DOCK3: variants seen among roughly 807,000 people sequenced by gnomAD.
DOCK3 encodes dedicator of cytokinesis 3, also known as dedicator of cytokinesis protein 3.
DOCK3 carries 60 observed loss-of-function variants against 265.6 expected under a neutral mutation model. The observed-to-expected ratio is 0.23, with a 90% CI of 0.18 to 0.28. DOCK3 has a LOEUF of 0.28. DOCK3 is among the 10% of genes least tolerant of loss of function. DOCK3 has a pLI of 1.00. For synonymous variants in DOCK3, 881 were observed against 938.0 expected (o/e 0.94, Z 1.11); for missense variants, 1,981 against 2,594.3 (o/e 0.76, Z 5.14).
At chr3:51,251,289 T>A (rs2079217013) in intron 22 of DOCK3, among the ~76,000 whole-genome samples, 1 of 152,188 alleles carries the variant, frequency 6.6e-6, no homozygotes, top group South Asian at 2.1e-4. Context: ...TTGGGTTGGT[T>A]CCAAGTCTTT....
intron 4 of DOCK3, among the ~76,000 whole-genome samples, chr3:50,927,975 T>C (rs944614321): frequency 6.6e-6 from 1 of 152,070 alleles, no homozygotes; most frequent in African/African-American, 2.4e-5. Context: ...TCGTAGATAC[T>C]TTGGGACTGT....
chr3:51,188,927 A>G (rs1289047858), intron 12 of DOCK3, among the ~76,000 whole-genome samples: 1 of 152,108 alleles, frequency 6.6e-6, no homozygotes, highest in Admixed American at 6.5e-5. Context: ...TCCCTTTGAC[A>G]TATTGATTTC....
intron 6 of DOCK3, among the ~76,000 whole-genome samples, chr3:51,067,262 T>G (rs1468348519): frequency 6.6e-6 from 1 of 152,082 alleles, no homozygotes; most frequent in Non-Finnish European, 1.5e-5. Flanking sequence ...TTATGAAACT[T>G]GAAAAACAAA....
chr3:51,065,318 A>C (rs570334548), intron 6 of DOCK3, among the ~76,000 whole-genome samples: 4 of 152,112 alleles, frequency 2.6e-5, no homozygotes, highest in African/African-American at 2.4e-5. Flanking sequence ...CATATACCTT[A>C]AGTATATTTA....
chr3:51,052,930 G>GT (rs1385418936), intron 5 of DOCK3, among the ~76,000 whole-genome samples: 1 of 151,524 alleles, frequency 6.6e-6, no homozygotes, highest in Admixed American at 6.6e-5. Context: ...GGTTTGGCTG[G>GT]TTCTATTTAT....
chr3:51,344,109 C>T (rs2085408398), intron 38 of DOCK3, among the ~76,000 whole-genome samples: 1 of 152,142 alleles, frequency 6.6e-6, no homozygotes, highest in African/African-American at 2.4e-5. Context: ...CTAGACCAGC[C>T]ACTTATGTGG....
chr3:51,259,926 G>A (rs2079762361), intron 22 of DOCK3, among the ~76,000 whole-genome samples: 1 of 152,184 alleles, frequency 6.6e-6, no homozygotes, highest in African/African-American at 2.4e-5. Flanking sequence ...AAACAGTTGT[G>A]AAATTATTTG....
chr3:51,156,951 A>G (rs550220114), intron 10 of DOCK3, among the ~76,000 whole-genome samples: 4 of 152,356 alleles, frequency 2.6e-5, no homozygotes, highest in South Asian at 2.1e-4. Context: ...AATTCAAAAA[A>G]GTATATAAAA....
At chr3:51,288,036 A>G (rs967897316) in intron 27 of DOCK3, among the ~76,000 whole-genome samples, 2 of 152,152 alleles carry the variant, frequency 1.3e-5, no homozygotes, top group African/African-American at 4.8e-5. Flanking sequence ...AACACAGAAA[A>G]CCAAATACCA....
intron 9 of DOCK3, among the ~76,000 whole-genome samples, chr3:51,099,901 A>G (rs971680222): frequency 2.0e-4 from 31 of 152,336 alleles, no homozygotes; most frequent in African/African-American, 6.0e-4. Context: ...CTGTGGGGCT[A>G]CCTTCCAGGG....
chr3:50,938,887 TA>T (rs576019011), intron 5 of DOCK3, among the ~76,000 whole-genome samples: 7 of 143,220 alleles, frequency 4.9e-5, no homozygotes, highest in Non-Finnish European at 7.6e-5. Context: ...TGAGACTCTG[TA>T]AAAAAAAAAT....
At chr3:50,923,562 T>C (rs1331404211) in intron 4 of DOCK3, among the ~76,000 whole-genome samples, 1 of 152,198 alleles carries the variant, frequency 6.6e-6, no homozygotes, top group Non-Finnish European at 1.5e-5. Flanking sequence ...CTAAACCTTA[T>C]CACTACCTTT....
chr3:50,923,012 C>T (rs1264371409), intron 4 of DOCK3, among the ~76,000 whole-genome samples: 2 of 152,158 alleles, frequency 1.3e-5, no homozygotes, highest in African/African-American at 4.8e-5. Flanking sequence ...TGAGAACATA[C>T]TATTCTTGGT....
intron 5 of DOCK3, among the ~76,000 whole-genome samples, chr3:51,010,437 C>G (rs2078898213): frequency 6.6e-6 from 1 of 152,138 alleles, no homozygotes; most frequent in Non-Finnish European, 1.5e-5. Context: ...ACTAAGATTG[C>G]AACCCCTACT....
At chr3:51,053,080 T>TAGATAG (rs1223958373) in intron 5 of DOCK3, among the ~76,000 whole-genome samples, 9 of 35,882 alleles carry the variant, frequency 2.5e-4, no homozygotes, top group Non-Finnish European at 4.2e-4. Flanking sequence ...AAGTCAAAGA[T>TAGATAG]ATATATATAT....
chr3:50,684,891 CT>C (rs1052247500), intron 1 of DOCK3, among the ~76,000 whole-genome samples: 23 of 151,878 alleles, frequency 1.5e-4, no homozygotes, highest in African/African-American at 2.4e-5. Flanking sequence ...ACATTTCCTT[CT>C]GATTACATAA....
At chr3:51,181,412 T>G (rs934025882) in intron 12 of DOCK3, among the ~76,000 whole-genome samples, 4 of 151,700 alleles carry the variant, frequency 2.6e-5, no homozygotes, top group African/African-American at 9.7e-5. Context: ...CTTGCGATAG[T>G]TTGCTGAGAA....
intron 2 of DOCK3, among the ~76,000 whole-genome samples, chr3:50,818,340 C>A (rs1165004641): frequency 1.3e-5 from 2 of 152,204 alleles, no homozygotes; most frequent in Non-Finnish European, 2.9e-5. Context: ...GGAATTGACT[C>A]TTGTTGACTT....
intron 5 of DOCK3, among the ~76,000 whole-genome samples, chr3:51,053,088 T>TATATAG (rs2081059503): frequency 2.9e-5 from 2 of 69,236 alleles, no homozygotes; most frequent in African/African-American, 5.4e-5. Context: ...GATATATATA[T>TATATAG]ATATATATAT....
Sources: allele counts gnomAD v4.1 joint callset (sites outside exome capture counted in the v4.1 genomes callset), GRCh38; gene constraint gnomAD v4.1.1; transcripts MANE v1.5; gene names NCBI Gene and HGNC (gene_info 2026-07-23, HGNC 2026-07-21).